LURAP1L: variants seen among roughly 807,000 people sequenced by gnomAD.
The protein encoded by LURAP1L is leucine rich adaptor protein 1 like, also known as leucine rich adaptor protein 1-like.
A neutral mutation model predicts 13.8 loss-of-function variants in LURAP1L; 12 were observed. The observed-to-expected ratio is 0.87, with a 90% CI of 0.56 to 1.41. LURAP1L has a LOEUF of 1.41. Among genes scored for constraint, LURAP1L ranks in the 40% most tolerant of loss-of-function variants. The probability of loss-of-function intolerance (pLI) is 0.00; values close to 1 mark genes in which losing one functional copy is unlikely to be tolerated. For missense variants in LURAP1L, 375 were observed against 292.9 expected (o/e 1.28, Z -2.04); for synonymous variants, 139 against 119.2 (o/e 1.17, Z -1.08).
chr9:12,804,844 C>G (rs1356672068), intron 1 of LURAP1L, among the ~76,000 whole-genome samples: 1 of 151,532 alleles, frequency 6.6e-6, no homozygotes, highest in Non-Finnish European at 1.5e-5. Flanking sequence ...ACCTTTTTTT[C>G]TTTTTTCATA....
intron 1 of LURAP1L, among the ~76,000 whole-genome samples, chr9:12,804,347 T>TG (rs1491151157): frequency 3.0e-4 from 1 of 3,282 alleles, no homozygotes; most frequent in Non-Finnish European, 1.0e-3. Flanking sequence ...TGTTATCTGA[T>TG]TTTTTTTTTT....
At chr9:12,786,579 T>A (rs192962073) in intron 1 of LURAP1L, among the ~76,000 whole-genome samples, 16 of 115,646 alleles carry the variant, frequency 1.4e-4, no homozygotes, top group South Asian at 3.5e-4. Flanking sequence ...TATATATATA[T>A]ATAAACCCTT....
chr9:12,780,258 T>C (rs1156845944), intron 1 of LURAP1L, among the ~76,000 whole-genome samples: 1 of 152,226 alleles, frequency 6.6e-6, no homozygotes, highest in Non-Finnish European at 1.5e-5. Context: ...TATCCTCTTC[T>C]TCTCAAATGA....
intron 1 of LURAP1L, among the ~76,000 whole-genome samples, chr9:12,783,786 A>G (rs2118468817): frequency 6.9e-6 from 1 of 145,690 alleles, no homozygotes; most frequent in Middle Eastern, 3.7e-3. Context: ...TCTTCTTTAA[A>G]TGTTTGGTAA....
rs1366781761 is a variant in LURAP1L, at chr9:12,821,525, G to C, written c.452G>C (p.Ser151Thr). Residue 151 changes from serine (S) to threonine (T), a missense_variant, in exon 2 of 2, where the codon AGT becomes ACT. Coordinates refer to ENST00000319264, the MANE Select transcript of LURAP1L (RefSeq NM_203403.2). The stretch of plus-strand genomic sequence containing the variant: ...AGCAGCCTCAGTGGCAGCCTGTGCA[G>C]TTTGTTGGAGAGTCAGAGCACCTCC... ...RGSSLSGSLCSLLESQSTSLR... is the reference protein window; with the variant it reads ...RGSSLSGSLCTLLESQSTSLR... The C allele has an allele frequency of 1.2e-6, 2 of 1,614,154 alleles. No homozygotes were observed. Among genetic ancestry groups the C allele is most frequent in the African/African-American group, 1.3e-5 (1 of 75,038 alleles).
At chr9:12,782,949 C>A (rs1189390082) in intron 1 of LURAP1L, among the ~76,000 whole-genome samples, 1 of 151,830 alleles carries the variant, frequency 6.6e-6, no homozygotes, top group Non-Finnish European at 1.5e-5. Flanking sequence ...TAGTTAAATC[C>A]TAGGTATTTA....
chr9:12,802,624 A>C (rs1255009337), intron 1 of LURAP1L, among the ~76,000 whole-genome samples: 2 of 152,126 alleles, frequency 1.3e-5, no homozygotes, highest in Non-Finnish European at 2.9e-5. Flanking sequence ...AGTCCCTGGA[A>C]TTTCTTTATA....
intron 1 of LURAP1L, among the ~76,000 whole-genome samples, chr9:12,815,928 C>G (rs754374857): frequency 2.6e-5 from 4 of 152,096 alleles, no homozygotes; most frequent in Non-Finnish European, 5.9e-5. Flanking sequence ...GATAAAGTAC[C>G]TCAAATTAAC....
intron 1 of LURAP1L, among the ~76,000 whole-genome samples, chr9:12,780,436 ATT>A (rs763370715): frequency 2.4e-4 from 36 of 152,186 alleles, no homozygotes; most frequent in Non-Finnish European, 1.9e-4. Context: ...TGAATTATTC[ATT>A]TTCTTAAAAA....
chr9:12,794,173 C>G (rs181071107), intron 1 of LURAP1L, among the ~76,000 whole-genome samples: 2 of 152,110 alleles, frequency 1.3e-5, no homozygotes, highest in African/African-American at 4.8e-5. Context: ...CTGGTTGTTC[C>G]GAGTGCCATG....
Position 12,815,892 on chromosome 9 carries a change from G to A in LURAP1L, c.313-5494G>A, listed in dbSNP as rs113350174. ...TTTTATTCAAACCCAAATGGTGAGA[G>A]CAAAAATTATTATGACAAAATTTCT... On this transcript the variant is annotated intron_variant, in intron 1 of 1. Transcript: ENST00000319264. Among the ~76,000 whole-genome samples, 3 of 152,244 alleles carry A rather than the reference G, an allele frequency of 2.0e-5. 1 individual carries two copies. Among genetic ancestry groups the A allele is most frequent in the African/African-American group, 7.2e-5 (3 of 41,554 alleles).
At chr9:12,809,314 T>A (rs1198802671) in intron 1 of LURAP1L, among the ~76,000 whole-genome samples, 2 of 152,164 alleles carry the variant, frequency 1.3e-5, no homozygotes. Context: ...TGTTCTGACT[T>A]TTTATTTCTT....
At chr9:12,784,510 A>G (rs1309680871) in intron 1 of LURAP1L, among the ~76,000 whole-genome samples, 1 of 152,180 alleles carries the variant, frequency 6.6e-6, no homozygotes, top group African/African-American at 2.4e-5. Context: ...ATTACCAAAT[A>G]GAGACTCTTG....
At chr9:12,777,516 A>G (rs1357889140) in intron 1 of LURAP1L, 1 of 983,000 alleles carries the variant, frequency 1.0e-6, no homozygotes, top group Non-Finnish European at 1.2e-6. Flanking sequence ...TGTCTTCTGT[A>G]ATTTTACCCA....
At chr9:12,797,117 A>C (rs953780711) in intron 1 of LURAP1L, among the ~76,000 whole-genome samples, 4 of 152,042 alleles carry the variant, frequency 2.6e-5, no homozygotes, top group Non-Finnish European at 5.9e-5. Flanking sequence ...AACAACATAC[A>C]CATTATCAAC....
At chr9:12,801,387 A>G (rs1054141176) in intron 1 of LURAP1L, among the ~76,000 whole-genome samples, 1 of 151,986 alleles carries the variant, frequency 6.6e-6, no homozygotes. Context: ...AGAGAAGTAC[A>G]TCTTAGGAAT....
At chr9:12,810,731 T>C (rs11790686) in intron 1 of LURAP1L, among the ~76,000 whole-genome samples, 14,351 of 152,194 alleles carry the variant, frequency 0.094, 823 homozygotes, top group South Asian at 0.24. Context: ...GGAAAGTTAA[T>C]GTATTATCAG....
intron 1 of LURAP1L, among the ~76,000 whole-genome samples, chr9:12,802,611 C>T (rs2118516570): frequency 6.6e-6 from 1 of 152,278 alleles, no homozygotes; most frequent in South Asian, 2.1e-4. Flanking sequence ...TTACAAATTA[C>T]CCAGTCCCTG....
At position 12,781,986 on chromosome 9, in the gene LURAP1L, G is replaced by C. The variant is rs149954014; in HGVS notation, c.312+5959G>C. On this transcript the variant is annotated intron_variant, in intron 1 of 1. Transcript: ENST00000319264. ...TGAGATAATATTTCATTGTAGTTTT[G>C]ATTTGCATTTCTCTGGTGATCAATT... 5.4e-3 allele frequency among the ~76,000 whole-genome samples: 815 copies of C among 152,270 alleles called. 6 individuals carry two copies. Among genetic ancestry groups the C allele is most frequent in the Non-Finnish European group, 7.9e-3 (536 of 68,014 alleles).
Sources: gnomAD v4.1 joint callset for allele counts (sites outside exome capture counted in the v4.1 genomes callset) on GRCh38, gnomAD v4.1.1 for gene constraint, MANE v1.5 for transcripts, NCBI Gene and HGNC (gene_info 2026-07-23, HGNC 2026-07-21) for gene names.